MCCC2: variants seen among roughly 807,000 people sequenced by gnomAD.
MCCC2 encodes methylcrotonoyl-CoA carboxylase beta chain, mitochondrial.
MCCC2 carries 52 observed loss-of-function variants against 77.2 expected under a neutral mutation model. The ratio of observed to expected loss-of-function variants is 0.67; its 90% CI spans 0.54 to 0.85. The LOEUF (loss-of-function observed/expected upper bound fraction) is 0.85. MCCC2 is among the 40% of genes least tolerant of loss of function. MCCC2 has a pLI of 0.00. For missense variants in MCCC2, 682 were observed against 703.2 expected (o/e 0.97, Z 0.34); for synonymous variants, 253 against 248.4 (o/e 1.02, Z -0.18).
At chr5:71,610,966 C>T (rs548610765) in intron 6 of MCCC2, among the ~76,000 whole-genome samples, 4 of 151,492 alleles carry the variant, frequency 2.6e-5, no homozygotes, top group South Asian at 4.2e-4. Context: ...AGCCTGGCGA[C>T]GAAGTGAGAC....
At chr5:71,605,723 A>C (rs1187833717) in intron 6 of MCCC2, among the ~76,000 whole-genome samples, 1 of 151,970 alleles carries the variant, frequency 6.6e-6, no homozygotes, top group Non-Finnish European at 1.5e-5. Flanking sequence ...TCTAATGTTT[A>C]AGTCTTTAAT....
At position 71,656,700 on chromosome 5, in the gene MCCC2, G is replaced by A. The variant is rs747459251; in HGVS notation, c.1575-43G>A. Reference sequence around the variant, plus strand: ...GCACATGGAGAGTGTATAAATGGTAGTTTGGTGGTAAATTCATAACTCTTT... The same window carrying A: ...GCACATGGAGAGTGTATAAATGGTAATTTGGTGGTAAATTCATAACTCTTT... On this transcript the variant is annotated intron_variant, in intron 16 of 16. Transcript: ENST00000340941. 9 of 1,479,800 alleles carry A rather than the reference G, an allele frequency of 6.1e-6. No individual in the cohort carries two copies. In the South Asian group the frequency reaches 1.0e-4, roughly 17 times the overall value. The allele number at this position is 1,479,800 out of a possible 1,614,324, so 91.7% of individuals were successfully genotyped here.
At chr5:71,639,275 A>G (rs1747039263) in intron 10 of MCCC2, among the ~76,000 whole-genome samples, 1 of 152,208 alleles carries the variant, frequency 6.6e-6, no homozygotes, top group Admixed American at 6.5e-5. Context: ...TACACTGAAA[A>G]TCTGTTGTTT....
chr5:71,594,135 G>C (rs1745085183), intron 2 of MCCC2, among the ~76,000 whole-genome samples: 1 of 152,142 alleles, frequency 6.6e-6, no homozygotes, highest in South Asian at 2.1e-4. Context: ...TCAAACTCTT[G>C]CTGAAATGAA....
intron 6 of MCCC2, among the ~76,000 whole-genome samples, chr5:71,614,946 T>G (rs1446687573): frequency 6.6e-6 from 1 of 152,128 alleles, no homozygotes; most frequent in Admixed American, 6.6e-5. Context: ...TTTTGAAGCT[T>G]TTCTCCCTAC....
At chr5:71,643,572 C>T (rs1170775005) in intron 11 of MCCC2, among the ~76,000 whole-genome samples, 1 of 152,078 alleles carries the variant, frequency 6.6e-6, no homozygotes, top group Non-Finnish European at 1.5e-5. Context: ...ATTATTTAAT[C>T]AAATCAATCA....
At chr5:71,619,015 T>A (rs1048296438) in intron 6 of MCCC2, among the ~76,000 whole-genome samples, 1 of 152,230 alleles carries the variant, frequency 6.6e-6, no homozygotes, top group Non-Finnish European at 1.5e-5. Flanking sequence ...CCATGCTTAG[T>A]TGCAGTTCCT....
chr5:71,628,614 A>G (rs1746612263), intron 7 of MCCC2, among the ~76,000 whole-genome samples: 1 of 152,224 alleles, frequency 6.6e-6, no homozygotes, highest in African/African-American at 2.4e-5. Flanking sequence ...CAGTTGTTCC[A>G]GCATCATTAG....
At chr5:71,653,182 A>C (rs1359458309) in intron 16 of MCCC2, among the ~76,000 whole-genome samples, 1 of 152,238 alleles carries the variant, frequency 6.6e-6, no homozygotes, top group African/African-American at 2.4e-5. Flanking sequence ...AGATTGGTTG[A>C]ACACTTACTG....
intron 6 of MCCC2, among the ~76,000 whole-genome samples, chr5:71,609,195 T>G (rs537509465): frequency 2.4e-4 from 37 of 151,736 alleles, no homozygotes; most frequent in African/African-American, 8.4e-4. Context: ...CCCATCACTT[T>G]CAGGTACACC....
chr5:71,622,832 C>G (rs76506800), intron 6 of MCCC2, among the ~76,000 whole-genome samples: 1 of 152,076 alleles, frequency 6.6e-6, no homozygotes, highest in Non-Finnish European at 1.5e-5. Flanking sequence ...TCAAGGCAGA[C>G]GCGGTGGCTC....
At chr5:71,596,222 G>T in intron 2 of MCCC2, 58 bp from the exon 3 acceptor site, 1 of 1,424,138 alleles carries the variant, frequency 7.0e-7, no homozygotes, top group East Asian at 2.3e-5. Context: ...TGTTTTTCTG[G>T]CATTGAGACC....
chr5:71,600,056 T>C (rs553796340), intron 4 of MCCC2, among the ~76,000 whole-genome samples: 2 of 152,024 alleles, frequency 1.3e-5, no homozygotes, highest in African/African-American at 4.8e-5. Context: ...TCCCAGCTAC[T>C]TGGGAGGCTG....
chr5:71,607,373 T>G (rs1745725042), intron 6 of MCCC2, among the ~76,000 whole-genome samples: 1 of 151,666 alleles, frequency 6.6e-6, no homozygotes, highest in African/African-American at 2.4e-5. Context: ...TAGAGGTGTT[T>G]GTAGTATTCT....
At chr5:71,629,636 G>T (rs1746645628) in intron 7 of MCCC2, among the ~76,000 whole-genome samples, 1 of 152,058 alleles carries the variant, frequency 6.6e-6, no homozygotes, top group Non-Finnish European at 1.5e-5. Context: ...CCAAAAGAGG[G>T]TGTTAATTTT....
chr5:71,632,068 T>G (rs1470156520), intron 7 of MCCC2, 53 bp from the exon 8 acceptor site: 3 of 1,544,886 alleles, frequency 1.9e-6, no homozygotes, highest in Non-Finnish European at 2.7e-6. Context: ...TGGGGAAGCA[T>G]TTTTATATGT....
intron 1 of MCCC2, 88 bp downstream of exon 1, chr5:71,587,642 T>C: frequency 6.8e-7 from 1 of 1,472,402 alleles, no homozygotes; most frequent in Non-Finnish European, 9.1e-7. Context: ...TGCTGCTCTC[T>C]TGTCCGGAGC....
Position 71,652,748 on chromosome 5 carries a change from G to C in MCCC2, c.1568G>C (p.Ser523Thr). Residue 523 changes from serine to threonine, a missense_variant, in exon 16 of 17, where the codon AGC becomes ACC. Coordinates refer to ENST00000340941, the MANE Select transcript of MCCC2 (RefSeq NM_022132.5). ...FEEEGNPYYS[S>T]ARVWDDGIID... ...GAGGAAGGAAACCCTTACTATTCCA[G>C]CGCAAGGTGGGGGCCAGAACATCAC... 1 of 1,614,044 alleles carries C rather than the reference G, an allele frequency of 6.2e-7. No homozygotes were observed. The highest frequency in any genetic ancestry group is 1.3e-5 in the African/African-American group (1 of 75,052).
rs556883351 is a variant in MCCC2, at chr5:71,616,503, C to T, written c.625-10137C>T. On this transcript the variant is annotated intron_variant, in intron 6 of 16. Coordinates refer to ENST00000340941, the MANE Select transcript of MCCC2 (RefSeq NM_022132.5). ...CTTGGTGTGTGGAGAAATACCCCCA[C>T]ATATCTGGTGTCAGAGGTATTGAGT... Among the ~76,000 whole-genome samples, 12 of 152,308 alleles carry T rather than the reference C, an allele frequency of 7.9e-5. No homozygotes were observed. In the South Asian group the frequency reaches 2.5e-3, roughly 32 times the overall value.
Sources: gnomAD v4.1 joint callset for allele counts (sites outside exome capture counted in the v4.1 genomes callset) on GRCh38, gnomAD v4.1.1 for gene constraint, MANE v1.5 for transcripts, NCBI Gene and HGNC (gene_info 2026-07-23, HGNC 2026-07-21) for gene names.